TENM1: variants seen among roughly 807,000 people sequenced by gnomAD.
TENM1 encodes teneurin-1.
In TENM1, 35 loss-of-function variants were observed where a neutral mutation model predicts 174.8. The ratio of observed to expected loss-of-function variants is 0.20; its 90% CI spans 0.15 to 0.27. The LOEUF is 0.27. Ranked by LOEUF, TENM1 falls within the 10% of genes least tolerant of loss-of-function variation. TENM1 has a pLI of 1.00. For missense variants in TENM1, 1,633 were observed against 2,130.1 expected (o/e 0.77, Z 4.59); for synonymous variants, 781 against 798.7 (o/e 0.98, Z 0.37).
At chrX:124,471,183 TA>T (rs1263580133) in intron 22 of TENM1, among the ~76,000 whole-genome samples, 4 of 71,883 alleles carry the variant, frequency 5.6e-5, no homozygotes, top group South Asian at 1.4e-3. Flanking sequence ...TAGTACTATA[TA>T]ATATATATTA....
In TENM1 at chrX:124,615,777, C is replaced by T. The variant is rs181012244; in HGVS notation, c.2077+26014G>A. Among the ~76,000 whole-genome samples the T allele has an allele frequency of 4.2e-4, 47 of 111,596 alleles. 1 individual carries two copies. The highest frequency in any genetic ancestry group is 1.4e-3 in the African/African-American group (43 of 30,730). On this transcript the variant is annotated intron_variant, in intron 11 of 31. Coordinates refer to ENST00000422452, the Ensembl canonical transcript of TENM1. ...ATATAGGTTAACTTCTATGAAGTCTCGGTCACAGAGAAAATATTTTTATTG... is the reference window on the plus strand; with the variant it reads ...ATATAGGTTAACTTCTATGAAGTCTTGGTCACAGAGAAAATATTTTTATTG...
At chrX:124,767,751 C>A (rs1282334550) in intron 3 of TENM1, among the ~76,000 whole-genome samples, 5 of 111,074 alleles carry the variant, frequency 4.5e-5, no homozygotes, top group Non-Finnish European at 9.5e-5. Context: ...CGACGACGTG[C>A]ATAATATGGA....
the TENM1 span, among the ~76,000 whole-genome samples, chrX:125,107,440 T>C: frequency 8.9e-6 from 1 of 112,143 alleles, no homozygotes; most frequent in Non-Finnish European, 1.9e-5. Context: ...AAACACAACA[T>C]TTATACTTTT....
At chrX:125,008,372 G>C in the TENM1 span, among the ~76,000 whole-genome samples, 1 of 111,772 alleles carries the variant, frequency 8.9e-6, no homozygotes. Context: ...GGAGTACCCA[G>C]ATTAATAAAA....
At chrX:124,414,437 C>T (rs1396318527) in intron 25 of TENM1, among the ~76,000 whole-genome samples, 2 of 111,145 alleles carry the variant, frequency 1.8e-5, no homozygotes, top group Admixed American at 9.6e-5. Flanking sequence ...CTAGGCCCCT[C>T]CCTCAGATCT....
intron 5 of TENM1, among the ~76,000 whole-genome samples, chrX:124,690,484 AGTGTGTGTGTGTGTGT>A (rs58386633): frequency 1.9e-4 from 18 of 93,488 alleles, no homozygotes; most frequent in South Asian, 5.5e-4. Context: ...GCTTTGTTAG[AGTGTGTGTGTGTGTGT>A]GTGTGTGTGT....
chrX:125,032,561 T>A, the TENM1 span, among the ~76,000 whole-genome samples: 4 of 111,464 alleles, frequency 3.6e-5, no homozygotes, highest in Non-Finnish European at 7.5e-5. Context: ...AACTGTTGAT[T>A]ATAGGATCAA....
At chrX:124,922,959 A>T (rs1031014031) in intron 1 of TENM1, among the ~76,000 whole-genome samples, 1 of 111,770 alleles carries the variant, frequency 8.9e-6, no homozygotes, top group Admixed American at 9.6e-5. Flanking sequence ...GTGGCAAAGT[A>T]CATGATAAAT....
At chrX:124,380,650 C>T (rs767075531) in exon 32 of TENM1, 18 of 1,209,936 alleles carry the variant, frequency 1.5e-5, no homozygotes, top group Middle Eastern at 2.3e-4. Flanking sequence ...CTTGTACCCG[C>T]CCAGTGCTCA....
intron 3 of TENM1, among the ~76,000 whole-genome samples, chrX:124,789,277 T>C (rs1004178055): frequency 4.5e-5 from 5 of 110,362 alleles, no homozygotes; most frequent in Non-Finnish European, 9.5e-5. Context: ...ATTTTCCTCC[T>C]AGACCTCCCA....
intron 3 of TENM1, among the ~76,000 whole-genome samples, chrX:124,868,577 T>A (rs768217838): frequency 7.2e-5 from 8 of 111,026 alleles, no homozygotes; most frequent in Non-Finnish European, 1.3e-4. Flanking sequence ...GGGCAAAAAA[T>A]TTCTTAAGCA....
chrX:124,855,276 A>C (rs1014531761), intron 3 of TENM1, among the ~76,000 whole-genome samples: 27 of 111,844 alleles, frequency 2.4e-4, no homozygotes, highest in Non-Finnish European at 4.0e-4. Flanking sequence ...ATAGAAGTAT[A>C]TTCTACACTT....
intron 21 of TENM1, among the ~76,000 whole-genome samples, chrX:124,486,818 T>C (rs1484186604): frequency 1.8e-5 from 2 of 111,911 alleles, no homozygotes; most frequent in Admixed American, 9.5e-5. Flanking sequence ...TTAAAAACTG[T>C]ACTTCTGGAT....
chrX:124,854,443 C>T (rs1391318420), intron 3 of TENM1, among the ~76,000 whole-genome samples: 3 of 110,976 alleles, frequency 2.7e-5, no homozygotes, highest in Non-Finnish European at 3.8e-5. Context: ...CAGAAATCAC[C>T]GCTGAAGAAC....
the TENM1 span, among the ~76,000 whole-genome samples, chrX:125,046,651 T>C: frequency 8.9e-6 from 1 of 112,081 alleles, no homozygotes; most frequent in African/African-American, 3.2e-5. Context: ...CAAGGCCATC[T>C]AAATTTCTAA....
At chrX:125,121,959 A>G in the TENM1 span, among the ~76,000 whole-genome samples, 1 of 111,949 alleles carries the variant, frequency 8.9e-6, no homozygotes, top group Non-Finnish European at 1.9e-5. Context: ...CTGTAGTCCC[A>G]ACTACTCTTG....
the TENM1 span, among the ~76,000 whole-genome samples, chrX:125,121,629 C>T: frequency 8.9e-6 from 1 of 112,015 alleles, no homozygotes; most frequent in Non-Finnish European, 1.9e-5. Context: ...AGCATATATA[C>T]ACTATGAGGT....
intron 1 of TENM1, among the ~76,000 whole-genome samples, chrX:124,925,381 G>C (rs1053156086): frequency 3.6e-5 from 4 of 111,019 alleles, no homozygotes; most frequent in African/African-American, 1.3e-4. Flanking sequence ...AAACTGGCTT[G>C]CATGATTCCA....
chrX:124,639,956 C>T (rs777011521), intron 11 of TENM1, among the ~76,000 whole-genome samples: 3 of 110,405 alleles, frequency 2.7e-5, no homozygotes, highest in Non-Finnish European at 5.7e-5. Context: ...GTCTCTCTGA[C>T]TAAACTGTAG....
Sources: allele counts gnomAD v4.1 joint callset (sites outside exome capture counted in the v4.1 genomes callset), GRCh38; gene constraint gnomAD v4.1.1; transcripts MANE v1.5; gene names NCBI Gene and HGNC (gene_info 2026-07-23, HGNC 2026-07-21).